Variants in ST3GAL2 observed in about 807,000 individuals in gnomAD.
ST3GAL2 encodes CMP-N-acetylneuraminate-beta-galactosamide-alpha-2,3-sialyltransferase 2.
Under a neutral mutation model 37.5 loss-of-function variants are expected in ST3GAL2, and 16 were observed. The ratio of observed to expected loss-of-function variants is 0.43; its 90% CI spans 0.29 to 0.65. The LOEUF (loss-of-function observed/expected upper bound fraction) is 0.65. Among genes scored for constraint, ST3GAL2 ranks in the 30% least tolerant of loss-of-function variants. ST3GAL2 has a pLI of 0.17. For missense variants in ST3GAL2, 383 were observed against 487.8 expected, an observed-to-expected ratio of 0.79 and a Z score of 2.02; for synonymous variants, 238 against 202.9, an observed-to-expected ratio of 1.17 and a Z score of -1.47.
chr16:70,414,942 C>T lies in ST3GAL2; in HGVS notation c.-1003-15409G>A, dbSNP rs188914402. 7.9e-5 allele frequency among the ~76,000 whole-genome samples: 12 copies of T among 152,166 alleles called. No homozygotes were observed. In the East Asian group the frequency reaches 2.3e-3, roughly 29 times the overall value. ...AGGCTGGAGTGCAGTGGCACGATCTCGGCTCACTGCAAGCTCCACCTCCCG... is the reference window on the plus strand; with the variant it reads ...AGGCTGGAGTGCAGTGGCACGATCTTGGCTCACTGCAAGCTCCACCTCCCG... On this transcript the variant is annotated intron_variant, in intron 1 of 6. Coordinates refer to ENST00000342907, the MANE Select transcript of ST3GAL2 (RefSeq NM_006927.4).
At chr16:70,391,276 T>G (rs1385795471) in intron 3 of ST3GAL2, among the ~76,000 whole-genome samples, 1 of 152,192 alleles carries the variant, frequency 6.6e-6, no homozygotes, top group Non-Finnish European at 1.5e-5. Context: ...AGAGAACCTC[T>G]GTGTTCCTAA....
intron 6 of ST3GAL2, 121 bp from the exon 7 acceptor site, chr16:70,381,983 G>T: frequency 7.6e-7 from 1 of 1,319,400 alleles, no homozygotes; most frequent in Non-Finnish European, 1.0e-6. Flanking sequence ...GGAGCCCCCA[G>T]GCCTGGCCTA....
At chr16:70,402,992 C>T (rs2047566234) in intron 1 of ST3GAL2, among the ~76,000 whole-genome samples, 1 of 152,152 alleles carries the variant, frequency 6.6e-6, no homozygotes, top group African/African-American at 2.4e-5. Context: ...AGCACAAATA[C>T]GATATATACT....
chr16:70,422,044 G>A (rs1362887044), intron 1 of ST3GAL2, among the ~76,000 whole-genome samples: 1 of 152,124 alleles, frequency 6.6e-6, no homozygotes, highest in Non-Finnish European at 1.5e-5. Context: ...GGAATTACGG[G>A]CCTGAGCCAC....
intron 4 of ST3GAL2, among the ~76,000 whole-genome samples, chr16:70,387,984 T>G (rs768494125): frequency 2.2e-4 from 33 of 151,576 alleles, no homozygotes; most frequent in Non-Finnish European, 3.2e-4. Context: ...TGGTGGTGCA[T>G]CCCTATAATC....
chr16:70,386,803 G>A (rs537231849), intron 4 of ST3GAL2, among the ~76,000 whole-genome samples: 2 of 151,910 alleles, frequency 1.3e-5, no homozygotes, highest in East Asian at 2.0e-4. Flanking sequence ...ATGCCACCAC[G>A]CCTAGCTAAT....
intron 1 of ST3GAL2, among the ~76,000 whole-genome samples, chr16:70,423,824 A>C (rs1202405530): frequency 6.6e-6 from 1 of 151,590 alleles, no homozygotes; most frequent in African/African-American, 2.4e-5. Flanking sequence ...TAATCCCAGC[A>C]CTTTAGGAGG....
chr16:70,381,616 T>TGCTGGTCCTGGGTCCCGGGCC lies in ST3GAL2; in HGVS notation c.*52_*72dup. On this transcript the variant is annotated 3_prime_UTR_variant, in exon 7 of 7. Coordinates refer to ENST00000342907, the MANE Select transcript of ST3GAL2 (RefSeq NM_006927.4). ...GGCTGCAGCATGATTGGTCGCGGGT[T>TGCTGGTCCTGGGTCCCGGGCC]GCTGGTCCTGGGTCCCGGGCCGGAG... The TGCTGGTCCTGGGTCCCGGGCC allele has an allele frequency of 6.5e-7, 1 of 1,546,938 alleles. No homozygotes were observed. The highest frequency in any genetic ancestry group is 8.7e-7 in the Non-Finnish European group (1 of 1,146,212).
At chr16:70,409,864 A>AC (rs1369025234) in intron 1 of ST3GAL2, among the ~76,000 whole-genome samples, 4 of 139,596 alleles carry the variant, frequency 2.9e-5, no homozygotes, top group African/African-American at 1.1e-4. Flanking sequence ...CCCAGGCTGG[A>AC]CTTGAACTCT....
At chr16:70,428,560 G>A (rs937590082) in intron 1 of ST3GAL2, among the ~76,000 whole-genome samples, 14 of 152,184 alleles carry the variant, frequency 9.2e-5, no homozygotes, top group African/African-American at 2.9e-4. Context: ...GCTAGGGTGG[G>A]GCTTGGGGCC....
chr16:70,413,576 A>T (rs2047654484), intron 1 of ST3GAL2, among the ~76,000 whole-genome samples: 1 of 148,522 alleles, frequency 6.7e-6, no homozygotes. Flanking sequence ...AAAAAAAAAA[A>T]AAAAAAAAAA....
rs141662692 is a variant in ST3GAL2, at chr16:70,412,501, G to A, written c.-1003-12968C>T. Among the ~76,000 whole-genome samples, 1,483 of 152,080 alleles carry A rather than the reference G, an allele frequency of 9.8e-3. 31 individuals carry two copies. Among genetic ancestry groups the A allele is most frequent in the African/African-American group, 0.034 (1,392 of 41,492 alleles). ...TCTACAAAAAATACAAAAATTAGCC[G>A]GGCGTGGTGGCATGTTTCTGTAGGC... On this transcript the variant is annotated intron_variant, in intron 1 of 6. Coordinates refer to ENST00000342907, the MANE Select transcript of ST3GAL2 (RefSeq NM_006927.4).
At chr16:70,382,695 A>G in intron 6 of ST3GAL2, 110 bp downstream of exon 6, 1 of 1,528,454 alleles carries the variant, frequency 6.5e-7, no homozygotes, top group Non-Finnish European at 8.9e-7. Flanking sequence ...CCAAGGCCAC[A>G]TGGATTCTGC....
intron 1 of ST3GAL2, among the ~76,000 whole-genome samples, chr16:70,401,838 C>T (rs1008082387): frequency 2.6e-5 from 4 of 151,810 alleles, no homozygotes; most frequent in South Asian, 4.2e-4. Flanking sequence ...ACTAAAAATA[C>T]AAAAAATCAG....
At chr16:70,386,201 T>C (rs1361864618) in intron 4 of ST3GAL2, among the ~76,000 whole-genome samples, 2 of 151,066 alleles carry the variant, frequency 1.3e-5, no homozygotes, top group Non-Finnish European at 3.0e-5. Flanking sequence ...TTTTTTTTTC[T>C]TCCTGAGACG....
intron 1 of ST3GAL2, among the ~76,000 whole-genome samples, chr16:70,421,719 C>T (rs1352178117): frequency 3.3e-5 from 5 of 152,148 alleles, no homozygotes; most frequent in African/African-American, 7.2e-5. Context: ...CTTACTCCAG[C>T]CCAGGCTGGA....
rs1413963815 is a variant in ST3GAL2 at position 70,398,553 on chromosome 16, T to A, written c.-23A>T. 1.9e-6 allele frequency: 3 copies of A among 1,558,298 alleles called. No individual in the cohort carries two copies. In the Admixed American group the frequency reaches 5.6e-5, roughly 29 times the overall value. On this transcript the variant is annotated 5_prime_UTR_variant, in exon 2 of 7. It removes the in-frame stop codon of an upstream open reading frame in the 5' UTR. Transcript: ENST00000342907. ...CATGGTGCCGGCAGGCGGGTGACGG[T>A]CACCGTGGCCACTCTTTTCCCAGCC...
chr16:70,430,859 C>T (rs1034225238), intron 1 of ST3GAL2, among the ~76,000 whole-genome samples: 3 of 152,102 alleles, frequency 2.0e-5, no homozygotes, highest in African/African-American at 7.2e-5. Flanking sequence ...TTGCTGCCAT[C>T]TTTTCTTGTG....
At chr16:70,405,675 C>CT (rs2047586480) in intron 1 of ST3GAL2, among the ~76,000 whole-genome samples, 1 of 151,736 alleles carries the variant, frequency 6.6e-6, no homozygotes. Context: ...TTGCCAGGGG[C>CT]TGGAGGATAG....
Sources: allele counts gnomAD v4.1 joint callset (sites outside exome capture counted in the v4.1 genomes callset), GRCh38; gene constraint gnomAD v4.1.1; transcripts MANE v1.5; gene names NCBI Gene and HGNC (gene_info 2026-07-23, HGNC 2026-07-21).